The following GPHN variants were observed in gnomAD, a reference collection of about 807,000 sequenced individuals.
GPHN encodes gephyrin.
A neutral mutation model predicts 95.5 loss-of-function variants in GPHN; 17 were observed. The observed-to-expected ratio is 0.18, with a 90% CI of 0.12 to 0.27. The LOEUF (loss-of-function observed/expected upper bound fraction) is 0.27, where lower values mean the gene tolerates loss of function less well. GPHN is among the 10% of genes least tolerant of loss of function. The pLI, the probability that GPHN is intolerant of heterozygous loss-of-function variation, is 1.00. For missense variants in GPHN, 660 were observed against 978.1 expected, an observed-to-expected ratio of 0.67 and a Z score of 4.34; for synonymous variants, 320 against 322.5, an observed-to-expected ratio of 0.99 and a Z score of 0.08.
At chr14:66,636,628 CATG>C (rs2064113815) in intron 1 of GPHN, among the ~76,000 whole-genome samples, 1 of 152,008 alleles carries the variant, frequency 6.6e-6, no homozygotes, top group African/African-American at 2.4e-5. Flanking sequence ...TACATGACTC[CATG>C]ATAAGTGTTC....
At chr14:67,168,866 G>T in intron 20 of GPHN, 67 bp from the exon 21 acceptor site, 1 of 1,013,322 alleles carries the variant, frequency 9.9e-7, no homozygotes, top group Non-Finnish European at 1.6e-6. Context: ...CAAAGATATA[G>T]ACAGACATAA....
chr14:67,575,734 C>T, the GPHN span: 1 of 987,472 alleles, frequency 1.0e-6, no homozygotes, highest in South Asian at 1.6e-5. Flanking sequence ...ATCCACGATT[C>T]CCAGCTTCAC....
chr14:67,627,256 G>GATATATATATATATATATATATATAT, the GPHN span, among the ~76,000 whole-genome samples: 69 of 133,720 alleles, frequency 5.2e-4, 1 homozygote, highest in African/African-American at 1.7e-3. Flanking sequence ...TCAGTAAGGA[G>GATATATATATATATATATATATATAT]ATATATATAT....
At chr14:67,416,642 A>G in the GPHN span, among the ~76,000 whole-genome samples, 2 of 152,238 alleles carry the variant, frequency 1.3e-5, no homozygotes, top group Non-Finnish European at 2.9e-5. Flanking sequence ...TCATTCATTC[A>G]TTCACTGAAG....
intron 9 of GPHN, among the ~76,000 whole-genome samples, chr14:67,013,446 A>G (rs1356464907): frequency 6.6e-6 from 1 of 152,062 alleles, no homozygotes; most frequent in Non-Finnish European, 1.5e-5. Flanking sequence ...AAAATGAGTT[A>G]TATATTATAT....
At chr14:67,135,673 G>T (rs1222991596) in intron 17 of GPHN, among the ~76,000 whole-genome samples, 1 of 151,690 alleles carries the variant, frequency 6.6e-6, no homozygotes, top group Non-Finnish European at 1.5e-5. Flanking sequence ...ACATATTTAG[G>T]TTTATGTTTT....
At chr14:67,511,660 A>G in the GPHN span, among the ~76,000 whole-genome samples, 30 of 152,382 alleles carry the variant, frequency 2.0e-4, 1 homozygote, top group African/African-American at 7.0e-4. Context: ...CACCAAAATC[A>G]GAGGAGGGTG....
At chr14:67,727,282 C>A in the GPHN span, 8 of 903,870 alleles carry the variant, frequency 8.9e-6, no homozygotes, top group African/African-American at 1.3e-4. Context: ...CAAACATGCA[C>A]GTGTCAGTAA....
Position 66,900,387 on chromosome 14 carries a change from T to A in GPHN, c.390-15616T>A, listed in dbSNP as rs146856662. 4.3e-3 allele frequency among the ~76,000 whole-genome samples: 657 copies of A among 152,110 alleles called. 7 individuals carry two copies. The highest frequency in any genetic ancestry group is 4.5e-3 in the Non-Finnish European group (307 of 67,922). On this transcript the variant is annotated intron_variant, in intron 5 of 22. Coordinates refer to ENST00000478722, the MANE Select transcript of GPHN (RefSeq NM_020806.5). ...CACTGATTTAGGTGCATTCCATGAA[T>A]TTGATATGTTATATTTGCATTTTTA...
intron 9 of GPHN, among the ~76,000 whole-genome samples, chr14:66,983,887 AT>A (rs1335468532): frequency 6.6e-6 from 1 of 152,066 alleles, no homozygotes; most frequent in African/African-American, 2.4e-5. Flanking sequence ...ATAAGCATTA[AT>A]TTTTTTCCAT....
the GPHN span, among the ~76,000 whole-genome samples, chr14:67,548,557 C>A: frequency 6.6e-6 from 1 of 152,016 alleles, no homozygotes; most frequent in Admixed American, 6.5e-5. Context: ...ATTAGCCAGG[C>A]ATGGTGGTGC....
At chr14:66,688,088 A>G (rs894259385) in intron 2 of GPHN, among the ~76,000 whole-genome samples, 1 of 152,248 alleles carries the variant, frequency 6.6e-6, no homozygotes, top group Non-Finnish European at 1.5e-5. Flanking sequence ...CATATTTTAC[A>G]TACGTATTAC....
chr14:67,070,694 CAAAAAAA>C (rs34577444), intron 11 of GPHN, among the ~76,000 whole-genome samples: 3 of 64,450 alleles, frequency 4.7e-5, no homozygotes, highest in East Asian at 7.3e-4. Flanking sequence ...GACTTCATCT[CAAAAAAA>C]AAAAAAAAAA....
chr14:66,815,074 G>C (rs1230973183), intron 3 of GPHN, among the ~76,000 whole-genome samples: 1 of 152,134 alleles, frequency 6.6e-6, no homozygotes, highest in Non-Finnish European at 1.5e-5. Context: ...GAGCTTAAAG[G>C]CTGGCTTTCT....
chr14:67,652,134 T>G, the GPHN span, among the ~76,000 whole-genome samples: 3 of 152,244 alleles, frequency 2.0e-5, no homozygotes, highest in Non-Finnish European at 4.4e-5. Flanking sequence ...CAAGGTCACG[T>G]ACAATACCCT....
chr14:67,331,167 C>T, the GPHN span, among the ~76,000 whole-genome samples: 2 of 152,118 alleles, frequency 1.3e-5, no homozygotes, highest in Non-Finnish European at 2.9e-5. Flanking sequence ...GCCTCAGCCT[C>T]CCAAGTAGCT....
chr14:66,987,481 G>A (rs76126173), intron 9 of GPHN, among the ~76,000 whole-genome samples: 2,917 of 152,048 alleles, frequency 0.019, 38 homozygotes, highest in Middle Eastern at 0.034. Context: ...TACAATATGA[G>A]TATGTATATA....
At chr14:67,542,338 A>G in the GPHN span, among the ~76,000 whole-genome samples, 1 of 152,166 alleles carries the variant, frequency 6.6e-6, no homozygotes, top group Non-Finnish European at 1.5e-5. Context: ...GGGAGAAAAC[A>G]GAAATCTCTA....
chr14:67,726,186 G>A, the GPHN span: 2 of 1,235,124 alleles, frequency 1.6e-6, no homozygotes, highest in Non-Finnish European at 2.4e-6. Context: ...AAAAAATGAG[G>A]TACACCCACT....
Sources: gnomAD v4.1 joint callset for allele counts (sites outside exome capture counted in the v4.1 genomes callset) on GRCh38, gnomAD v4.1.1 for gene constraint, MANE v1.5 for transcripts, NCBI Gene and HGNC (gene_info 2026-07-23, HGNC 2026-07-21) for gene names.